Variants in LAMA2 observed in about 807,000 individuals in gnomAD.
LAMA2 encodes the protein laminin subunit alpha 2.
LAMA2 carries 269 observed loss-of-function variants against 364.8 expected under a neutral mutation model. That is an observed-to-expected ratio of 0.74 (90% CI 0.67 to 0.82). LAMA2 has a LOEUF of 0.82. Ranked by LOEUF, LAMA2 falls within the 40% of genes least tolerant of loss-of-function variation. The pLI, the probability that LAMA2 is intolerant of heterozygous loss-of-function variation, is 0.00. For synonymous variants in LAMA2, 1,379 were observed against 1,370.6 expected (o/e 1.01, Z -0.14); for missense variants, 3,807 against 3,873.2 (o/e 0.98, Z 0.45).
At chr6:129,251,727 G>A (rs180925068) in intron 13 of LAMA2, among the ~76,000 whole-genome samples, 3 of 152,288 alleles carry the variant, frequency 2.0e-5, no homozygotes, top group Admixed American at 1.3e-4. Context: ...GATGTCAGGA[G>A]TTTGAGACCA....
chr6:129,032,658 A>G (rs1786320340), intron 1 of LAMA2, among the ~76,000 whole-genome samples: 1 of 152,212 alleles, frequency 6.6e-6, no homozygotes, highest in South Asian at 2.1e-4. Flanking sequence ...TATGTAAAAA[A>G]AGGGCTAAAG....
chr6:129,260,941 A>G lies in LAMA2; in HGVS notation c.2208+119A>G, dbSNP rs557108615. 4.3e-6 allele frequency: 3 copies of G among 701,430 alleles called. No homozygotes were observed. In the Admixed American group the frequency reaches 6.3e-5, roughly 15 times the overall value. The allele number at this position is 701,430 out of a possible 1,614,324, so 43.5% of individuals were successfully genotyped here. A position where few individuals can be genotyped will look rare whatever the true frequency, so the allele number is the denominator to read the frequency against. ...AATAATTACACAAATAATGTGTATC[A>G]CTTAAAAACAAAACTTGAATATCTA... On this transcript the variant is annotated intron_variant, in intron 15 of 64. Coordinates refer to ENST00000421865, the MANE Select transcript of LAMA2 (RefSeq NM_000426.4).
chr6:129,187,666 G>A (rs1341176125), intron 10 of LAMA2, among the ~76,000 whole-genome samples: 1 of 151,708 alleles, frequency 6.6e-6, no homozygotes, highest in Non-Finnish European at 1.5e-5. Flanking sequence ...TATCCAAAAT[G>A]CTTGAGACCA....
intron 11 of LAMA2, among the ~76,000 whole-genome samples, chr6:129,192,279 A>G (rs1293993420): frequency 6.6e-6 from 1 of 152,274 alleles, no homozygotes; most frequent in African/African-American, 2.4e-5. Flanking sequence ...AAGCAACAAT[A>G]AACTACTAGT....
At chr6:129,275,329 A>G (rs1363609228) in intron 17 of LAMA2, among the ~76,000 whole-genome samples, 1 of 151,988 alleles carries the variant, frequency 6.6e-6, no homozygotes, top group Non-Finnish European at 1.5e-5. Flanking sequence ...AAAGGAAAAA[A>G]CTAAAGTTCA....
intron 34 of LAMA2, among the ~76,000 whole-genome samples, chr6:129,371,012 C>T (rs373263675): frequency 2.0e-5 from 3 of 152,172 alleles, no homozygotes; most frequent in East Asian, 1.9e-4. Flanking sequence ...AGATACAACA[C>T]GGAGTTTCTT....
At chr6:129,324,803 T>C (rs937556237) in intron 28 of LAMA2, among the ~76,000 whole-genome samples, 1 of 152,220 alleles carries the variant, frequency 6.6e-6, no homozygotes, top group African/African-American at 2.4e-5. Context: ...TATAATCTTA[T>C]GGGACCACTG....
chr6:129,085,392 C>T (rs1774315882), intron 3 of LAMA2, among the ~76,000 whole-genome samples: 1 of 152,186 alleles, frequency 6.6e-6, no homozygotes, highest in African/African-American at 2.4e-5. Context: ...TTGTGACACT[C>T]ATAACCTGTT....
At chr6:128,904,784 C>A (rs953625982) in intron 1 of LAMA2, among the ~76,000 whole-genome samples, 25 of 152,050 alleles carry the variant, frequency 1.6e-4, no homozygotes, top group Non-Finnish European at 3.5e-4. Context: ...AGCATTATTG[C>A]CAGGTCGGAA....
intron 51 of LAMA2, among the ~76,000 whole-genome samples, chr6:129,472,735 A>G (rs1486235505): frequency 6.6e-6 from 1 of 151,914 alleles, no homozygotes; most frequent in Non-Finnish European, 1.5e-5. Flanking sequence ...GTACAATCAT[A>G]TTTTACAACA....
At chr6:129,156,003 A>G (rs139378285) in intron 8 of LAMA2, among the ~76,000 whole-genome samples, 6 of 152,078 alleles carry the variant, frequency 3.9e-5, no homozygotes, top group Admixed American at 2.0e-4. Context: ...GTAGGAATAC[A>G]TTGAAGATAT....
chr6:128,959,403 T>C (rs1250864016), intron 1 of LAMA2, among the ~76,000 whole-genome samples: 2 of 152,204 alleles, frequency 1.3e-5, no homozygotes, highest in Non-Finnish European at 2.9e-5. Context: ...CTTTTAGATA[T>C]CAGCTGGCTC....
At position 129,032,229 on chromosome 6, in the gene LAMA2, T is replaced by G. The variant is rs1204747861; in HGVS notation, c.113-17689T>G. Among the ~76,000 whole-genome samples the G allele has an allele frequency of 2.0e-5, 3 of 152,246 alleles. No individual in the cohort carries two copies. In the East Asian group the frequency reaches 5.8e-4, roughly 29 times the overall value. On this transcript the variant is annotated intron_variant, in intron 1 of 64. Transcript: ENST00000421865. ...AAAACATACATAGTCTCTCCCATCATGAAGCTTACGTTCCAGCAAGGAAGC... is the reference window on the plus strand; with the variant it reads ...AAAACATACATAGTCTCTCCCATCAGGAAGCTTACGTTCCAGCAAGGAAGC...
intron 55 of LAMA2, among the ~76,000 whole-genome samples, chr6:129,482,999 C>T (rs2784902): frequency 0.35 from 51,435 of 148,224 alleles, 9,962 homozygotes; most frequent in African/African-American, 0.54. Flanking sequence ...CCTGGGAGGC[C>T]GAGGTTGCAG....
chr6:129,351,360 C>A (rs1776843762), intron 31 of LAMA2, among the ~76,000 whole-genome samples: 2 of 152,038 alleles, frequency 1.3e-5, no homozygotes, highest in Non-Finnish European at 2.9e-5. Flanking sequence ...TCGATAAAAG[C>A]TGTCAGTTTG....
intron 62 of LAMA2, among the ~76,000 whole-genome samples, chr6:129,508,641 T>C (rs1210056259): frequency 6.6e-6 from 1 of 152,224 alleles, no homozygotes; most frequent in East Asian, 1.9e-4. Flanking sequence ...TGTGCCTGGC[T>C]TATTTCACTT....
At chr6:129,512,273 G>GAAAT (rs1786649138) in intron 62 of LAMA2, 90 bp from the exon 63 acceptor site, 3 of 1,276,976 alleles carry the variant, frequency 2.3e-6, no homozygotes, top group Admixed American at 3.7e-5. Flanking sequence ...CATTTGAATT[G>GAAAT]AAATATAATA....
In LAMA2 at chr6:129,401,262, T is replaced by C. The variant is rs1342910589; in HGVS notation, c.5484T>C (p.Ile1828=). The change falls in exon 38 of 65, where the codon ATT becomes ATC. Residue 1828 remains isoleucine (I), a synonymous_variant. Transcript: ENST00000421865. The stretch of plus-strand genomic sequence containing the variant: ...CTGTTGAAAGCGGCAAACGACAAAT[T>C]GAGAACACTTTAAAAGAGGGCAATG... The part of the protein sequence containing the change: ...KEAVESGKRQ[I]ENTLKEGNDI... 6.2e-7 allele frequency: 1 copy of C among 1,612,442 alleles called. No homozygotes were observed. Among genetic ancestry groups the C allele is most frequent in the Non-Finnish European group, 8.5e-7 (1 of 1,178,574 alleles).
chr6:129,197,903 A>G (rs1016963440), intron 12 of LAMA2, among the ~76,000 whole-genome samples: 1 of 152,196 alleles, frequency 6.6e-6, no homozygotes, highest in African/African-American at 2.4e-5. Context: ...GTTTTTCCTA[A>G]TTAAATTTAT....
Sources: gnomAD v4.1 joint callset for allele counts (sites outside exome capture counted in the v4.1 genomes callset) on GRCh38, gnomAD v4.1.1 for gene constraint, MANE v1.5 for transcripts, NCBI Gene and HGNC (gene_info 2026-07-23, HGNC 2026-07-21) for gene names.